GPC6: variants seen among roughly 807,000 people sequenced by gnomAD.
GPC6 encodes glypican-6.
GPC6 carries 14 observed loss-of-function variants against 55.2 expected under a neutral mutation model. That is an observed-to-expected ratio of 0.25 (90% CI 0.17 to 0.40). The LOEUF is 0.40. Ranked by LOEUF, GPC6 falls within the 10% of genes least tolerant of loss-of-function variation. The pLI is 1.00. For synonymous variants in GPC6, 278 were observed against 259.6 expected, an observed-to-expected ratio of 1.07 and a Z score of -0.68; for missense variants, 641 against 708.5, an observed-to-expected ratio of 0.90 and a Z score of 1.08.
intron 2 of GPC6, among the ~76,000 whole-genome samples, chr13:93,812,942 G>C (rs953161223): frequency 6.6e-6 from 1 of 152,082 alleles, no homozygotes; most frequent in Non-Finnish European, 1.5e-5. Flanking sequence ...AATAAGGATT[G>C]TCACTAATTG....
chr13:94,233,191 G>A (rs1470334190), intron 4 of GPC6, among the ~76,000 whole-genome samples: 1 of 151,552 alleles, frequency 6.6e-6, no homozygotes, highest in Non-Finnish European at 1.5e-5. Context: ...AAGCGCTAGA[G>A]GAACTGACTG....
chr13:93,457,288 A>C (rs1463988965), intron 1 of GPC6, among the ~76,000 whole-genome samples: 1 of 152,128 alleles, frequency 6.6e-6, no homozygotes, highest in Non-Finnish European at 1.5e-5. Flanking sequence ...GGATTAAGGG[A>C]CCACCCTACT....
At chr13:94,151,931 C>A (rs769955913) in intron 4 of GPC6, among the ~76,000 whole-genome samples, 7 of 152,068 alleles carry the variant, frequency 4.6e-5, no homozygotes, top group Non-Finnish European at 1.0e-4. Context: ...CATTCCCTTT[C>A]ACTTCTTTCT....
chr13:93,252,139 A>G (rs1876807216), intron 1 of GPC6, among the ~76,000 whole-genome samples: 2 of 152,208 alleles, frequency 1.3e-5, no homozygotes, highest in South Asian at 4.1e-4. Context: ...GATTCAGTAG[A>G]TCTGAGATGG....
intron 2 of GPC6, among the ~76,000 whole-genome samples, chr13:93,616,438 A>G (rs9561410): frequency 0.069 from 10,568 of 152,144 alleles, 1,193 homozygotes; most frequent in African/African-American, 0.23. Flanking sequence ...TTCAACAGAA[A>G]CAATCACCTT....
At chr13:93,747,583 G>A (rs745796281) in intron 2 of GPC6, among the ~76,000 whole-genome samples, 4 of 152,274 alleles carry the variant, frequency 2.6e-5, no homozygotes, top group East Asian at 3.9e-4. Flanking sequence ...TTTTGGCTGC[G>A]TATGTGACTA....
intron 2 of GPC6, among the ~76,000 whole-genome samples, chr13:93,688,886 G>T (rs1882151387): frequency 6.6e-6 from 1 of 152,008 alleles, no homozygotes; most frequent in Non-Finnish European, 1.5e-5. Context: ...TAATGCCATT[G>T]AATTGCACAC....
intron 2 of GPC6, among the ~76,000 whole-genome samples, chr13:93,629,322 A>G (rs1481403833): frequency 6.6e-6 from 1 of 152,110 alleles, no homozygotes; most frequent in African/African-American, 2.4e-5. Flanking sequence ...TGTTATATCT[A>G]GTAGAAAAAT....
At position 93,713,054 on chromosome 13, in the gene GPC6, CTT is replaced by C. The variant is rs551254417; in HGVS notation, c.320-117099_320-117098del. 1.3e-4 allele frequency among the ~76,000 whole-genome samples: 19 copies of C among 151,494 alleles called. No homozygotes were observed. In the South Asian group the frequency reaches 4.0e-3, roughly 32 times the overall value. ...TTATGTATGTATTTATTAAAAACCT[CTT>C]AGCAATTTAAGAGATGTATCTGGAT... On this transcript the variant is annotated intron_variant, in intron 2 of 8. Transcript: ENST00000377047.
At chr13:94,320,316 A>AT (rs1209448934) in intron 6 of GPC6, among the ~76,000 whole-genome samples, 9 of 151,970 alleles carry the variant, frequency 5.9e-5, no homozygotes, top group Non-Finnish European at 1.3e-4. Flanking sequence ...TAAACATGTT[A>AT]TTTTTTACTT....
rs564969421 is a variant in GPC6 at position 93,941,893 on chromosome 13, G to T, written c.712-85836G>T. ...TTTAAATTGGTCTTTTAAAATATACGTAACTTTCCTATGGTGCAAAACGAG... is the reference window on the plus strand; with the variant it reads ...TTTAAATTGGTCTTTTAAAATATACTTAACTTTCCTATGGTGCAAAACGAG... On this transcript the variant is annotated intron_variant, in intron 3 of 8. Transcript: ENST00000377047. Among the ~76,000 whole-genome samples, 160 of 152,236 alleles carry T rather than the reference G, an allele frequency of 1.1e-3. 3 individuals are homozygous for T. The South Asian group carries it at 0.032, about 30-fold the overall frequency.
intron 4 of GPC6, among the ~76,000 whole-genome samples, chr13:94,189,891 G>C (rs1315189561): frequency 1.3e-5 from 2 of 152,034 alleles, no homozygotes; most frequent in African/African-American, 4.8e-5. Flanking sequence ...CGTGGTGGCG[G>C]GCGCCTGTAG....
At chr13:93,448,323 G>A (rs1878089737) in intron 1 of GPC6, among the ~76,000 whole-genome samples, 1 of 152,150 alleles carries the variant, frequency 6.6e-6, no homozygotes, top group Non-Finnish European at 1.5e-5. Context: ...TGTAGCCTAA[G>A]AGCAAAAGAC....
chr13:94,248,109 C>T (rs1417413675), intron 4 of GPC6, among the ~76,000 whole-genome samples: 2 of 152,082 alleles, frequency 1.3e-5, no homozygotes, highest in Non-Finnish European at 2.9e-5. Context: ...TTTCTGAAAA[C>T]ATGTGGGAAG....
chr13:93,367,248 G>A (rs1881283357), intron 1 of GPC6, among the ~76,000 whole-genome samples: 1 of 151,816 alleles, frequency 6.6e-6, no homozygotes, highest in African/African-American at 2.4e-5. Flanking sequence ...CAATTGTGTG[G>A]ACAATTATTC....
At chr13:93,772,199 A>G (rs1368500621) in intron 2 of GPC6, among the ~76,000 whole-genome samples, 1 of 152,216 alleles carries the variant, frequency 6.6e-6, no homozygotes, top group East Asian at 1.9e-4. Context: ...ATATTAGATA[A>G]CTGTAGGATG....
Position 94,326,114 on chromosome 13 carries a change from A to G in GPC6, c.1152+19991A>G, listed in dbSNP as rs1038010660. On this transcript the variant is annotated intron_variant, in intron 6 of 8. Transcript: ENST00000377047. ...CCCTCACTTTACCAGTGAGAACACT[A>G]GAATCCAGAAAGATGAAATAACTAA... Among the ~76,000 whole-genome samples the G allele has an allele frequency of 2.6e-5, 4 of 152,180 alleles. No homozygotes were observed. The East Asian group carries it at 7.7e-4, about 29-fold the overall frequency.
intron 2 of GPC6, among the ~76,000 whole-genome samples, chr13:93,757,520 G>T (rs1040395820): frequency 3.9e-5 from 6 of 152,146 alleles, no homozygotes; most frequent in African/African-American, 1.4e-4. Context: ...TTCTATTCTT[G>T]TTCAGCCACA....
intron 3 of GPC6, among the ~76,000 whole-genome samples, chr13:93,855,733 CATT>C (rs1445236941): frequency 2.6e-5 from 4 of 151,706 alleles, no homozygotes; most frequent in African/African-American, 7.2e-5. Flanking sequence ...TAGTGTATCT[CATT>C]GTTGTTTTCT....
Sources: allele counts gnomAD v4.1 joint callset (sites outside exome capture counted in the v4.1 genomes callset), GRCh38; gene constraint gnomAD v4.1.1; transcripts MANE v1.5; gene names NCBI Gene and HGNC (gene_info 2026-07-23, HGNC 2026-07-21).